Variants in DST observed in about 807,000 individuals in gnomAD.
DST encodes dystonin.
DST carries 253 observed loss-of-function variants against 875.2 expected under a neutral mutation model. The ratio of observed to expected loss-of-function variants is 0.29; its 90% CI spans 0.26 to 0.32. The LOEUF is 0.32. Ranked by LOEUF, DST falls within the 10% of genes least tolerant of loss-of-function variation. The pLI, the probability that DST is intolerant of heterozygous loss-of-function variation, is 1.00. For missense variants in DST, 8,287 were observed against 9,111.6 expected, an observed-to-expected ratio of 0.91 and a Z score of 3.68; for synonymous variants, 3,124 against 3,197.1, an observed-to-expected ratio of 0.98 and a Z score of 0.77.
Position 56,555,416 on chromosome 6 carries a change from T to C in DST, c.15065A>G (p.Tyr5022Cys), listed in dbSNP as rs1373212262. 6.2e-7 allele frequency: 1 copy of C among 1,613,618 alleles called. No homozygotes were observed. The highest frequency in any genetic ancestry group is 8.5e-7 in the Non-Finnish European group (1 of 1,179,684). ...EDLSALVKEE[Y>C]LKAELSRQLE... is the part of the protein sequence containing the mutation. ...TTGCCTACTAAGTTCTGCTTTCAAG[T>C]ACTCTTCTTTAACCAGTGCTGACAA... Residue 5022 changes from tyrosine (Y) to cysteine (C), a missense_variant, in exon 60 of 104, where the codon TAC (tyrosine) becomes TGC (cysteine). Tyr to Cys is a radical substitution (Grantham distance 194, BLOSUM62 -2). Around this residue, in one of 10 missense-constraint regions of DST, gnomAD observed 1,513 missense variants for 1,677.8 expected, o/e 0.90. Transcript: ENST00000680361.
In DST at chr6:56,646,302, G is replaced by C. The variant is rs115834496; in HGVS notation, c.1555-120C>G. 2.3e-3 allele frequency: 1,217 copies of C among 534,610 alleles called. 13 individuals are homozygous for C. Among genetic ancestry groups the C allele is most frequent in the African/African-American group, 0.022 (1,106 of 51,136 alleles). 33.1% of individuals were successfully genotyped at this position (534,610 alleles called of 1,614,324 possible). On this transcript the variant is annotated intron_variant, in intron 13 of 103. Transcript: ENST00000680361. Reference sequence around the variant, plus strand: ...CATATGCAGTCAGTGGAATTCCTTTGTTAAACCGACACTCAAAGACAATAC... The same window carrying C: ...CATATGCAGTCAGTGGAATTCCTTTCTTAAACCGACACTCAAAGACAATAC...
intron 5 of DST, among the ~76,000 whole-genome samples, chr6:56,706,846 C>CA (rs1020777221): frequency 2.4e-4 from 36 of 151,292 alleles, no homozygotes; most frequent in African/African-American, 6.3e-4. Context: ...CTAAAAATAA[C>CA]AAAAAAAAAT....
intron 4 of DST, among the ~76,000 whole-genome samples, chr6:56,822,262 A>T (rs1057442873): frequency 2.6e-5 from 4 of 152,182 alleles, no homozygotes; most frequent in African/African-American, 9.7e-5. Flanking sequence ...CATCTCTGAG[A>T]AAAGAGAAAT....
intron 10 of DST, among the ~76,000 whole-genome samples, chr6:56,655,858 A>G (rs1250252076): frequency 6.6e-6 from 1 of 152,076 alleles, no homozygotes; most frequent in Non-Finnish European, 1.5e-5. Context: ...TCATTTCTGT[A>G]TTTACCACAT....
intron 50 of DST, among the ~76,000 whole-genome samples, chr6:56,575,379 A>G (rs939132040): frequency 6.6e-6 from 1 of 152,266 alleles, no homozygotes; most frequent in South Asian, 2.1e-4. Context: ...AAGAAAAAAA[A>G]TGAGCTCTAA....
chr6:56,825,376 T>A (rs1464192815), intron 4 of DST, among the ~76,000 whole-genome samples: 1 of 149,534 alleles, frequency 6.7e-6, no homozygotes, highest in East Asian at 1.9e-4. Context: ...GGCCGCAGGG[T>A]CCTCTGCCTA....
chr6:56,839,667 C>T (rs2099797663), intron 4 of DST, among the ~76,000 whole-genome samples: 1 of 152,086 alleles, frequency 6.6e-6, no homozygotes, highest in Admixed American at 6.6e-5. Flanking sequence ...AGCCGATTTA[C>T]AGAGTAAAAT....
intron 4 of DST, among the ~76,000 whole-genome samples, chr6:56,842,368 A>G (rs2099801204): frequency 6.6e-6 from 1 of 152,244 alleles, no homozygotes; most frequent in African/African-American, 2.4e-5. Context: ...AAAAATGGAC[A>G]GCTGCAATTT....
chr6:56,720,829 G>T (rs1000735885), intron 5 of DST, among the ~76,000 whole-genome samples: 3 of 151,902 alleles, frequency 2.0e-5, no homozygotes, highest in African/African-American at 7.3e-5. Flanking sequence ...GGACAAAACC[G>T]CCATCGTCAT....
chr6:56,632,170 C>A lies in DST; in HGVS notation c.3806-130G>T, dbSNP rs112131171. On this transcript the variant is annotated intron_variant, in intron 28 of 103. Transcript: ENST00000680361. ...AAGCAAATGATTCCTGTTTTCATCA[C>A]AAACCCATTCTAAGGATATAAATCT... is the stretch of plus-strand genomic sequence containing the variant. 3.7e-4 allele frequency: 239 copies of A among 638,002 alleles called. 2 individuals are homozygous for A. In the African/African-American group the frequency reaches 3.9e-3, roughly 10 times the overall value. 39.5% of individuals were successfully genotyped at this position (638,002 alleles called of 1,614,324 possible). A position where few individuals can be genotyped will look rare whatever the true frequency, so the allele number is the denominator to read the frequency against.
intron 22 of DST, chr6:56,638,844 CAGTAAG>C (rs1391337486): frequency 4.4e-6 from 1 of 228,598 alleles, no homozygotes; most frequent in African/African-American, 2.3e-5. Context: ...CTATACTAAG[CAGTAAG>C]AGTAAATTAT....
chr6:56,840,673 T>TA (rs1375963303), intron 4 of DST, among the ~76,000 whole-genome samples: 2 of 152,204 alleles, frequency 1.3e-5, no homozygotes, highest in East Asian at 3.8e-4. Flanking sequence ...GACTACACCA[T>TA]AAATAATTAG....
At chr6:56,826,628 A>G (rs1158740449) in intron 4 of DST, among the ~76,000 whole-genome samples, 1 of 152,198 alleles carries the variant, frequency 6.6e-6, no homozygotes, top group East Asian at 1.9e-4. Flanking sequence ...CCTTTAAACT[A>G]CATGGCAGAG....
chr6:56,679,152 TTC>T (rs1280356433), intron 9 of DST, among the ~76,000 whole-genome samples: 1 of 152,216 alleles, frequency 6.6e-6, no homozygotes, highest in Non-Finnish European at 1.5e-5. Flanking sequence ...CTTTACATCC[TTC>T]TCTGTTTGTC....
intron 69 of DST, among the ~76,000 whole-genome samples, chr6:56,521,292 G>A (rs2096695335): frequency 6.6e-6 from 1 of 151,610 alleles, no homozygotes; most frequent in Non-Finnish European, 1.5e-5. Flanking sequence ...TGTAAATACT[G>A]CAAGATATCT....
At chr6:56,587,624 T>C (rs1156702540) in intron 49 of DST, among the ~76,000 whole-genome samples, 1 of 151,570 alleles carries the variant, frequency 6.6e-6, no homozygotes, top group Non-Finnish European at 1.5e-5. Flanking sequence ...TTCACCAAAG[T>C]TGAAATGAAG....
intron 4 of DST, among the ~76,000 whole-genome samples, chr6:56,815,881 T>C (rs1229969209): frequency 7.9e-5 from 12 of 152,212 alleles, no homozygotes. Flanking sequence ...AAATATTTGC[T>C]AGCATCTAAA....
At position 56,603,185 on chromosome 6, in the gene DST, T is replaced by A; in HGVS notation, c.11157+20A>T. ...ATAAAATTTTCTTCATAAATCAAAA[T>A]TTTGACATTTTATGCCTACCATTTC... On this transcript the variant is annotated intron_variant, in intron 42 of 103. Coordinates refer to ENST00000680361, the MANE Select transcript of DST (RefSeq NM_001374736.1). The A allele has an allele frequency of 6.4e-7, 1 of 1,572,796 alleles. No homozygotes were observed. The highest frequency in any genetic ancestry group is 8.6e-7 in the Non-Finnish European group (1 of 1,159,150).
intron 5 of DST, among the ~76,000 whole-genome samples, chr6:56,721,283 C>T (rs1356937127): frequency 6.6e-6 from 1 of 152,260 alleles, no homozygotes; most frequent in African/African-American, 2.4e-5. Flanking sequence ...TTCAAACACA[C>T]ATGCTCTACA....
Sources: allele counts gnomAD v4.1 joint callset (sites outside exome capture counted in the v4.1 genomes callset), GRCh38; gene constraint gnomAD v4.1.1; regional missense constraint gnomAD v4.1.1; transcripts MANE v1.5; gene names NCBI Gene and HGNC (gene_info 2026-07-23, HGNC 2026-07-21).